NEURL1B: variants seen among roughly 807,000 people sequenced by gnomAD.
The protein encoded by NEURL1B is E3 ubiquitin-protein ligase NEURL1B.
NEURL1B carries 13 observed loss-of-function variants against 37.4 expected under a neutral mutation model. That is an observed-to-expected ratio of 0.35 (90% CI 0.23 to 0.55). The LOEUF is 0.55. Among genes scored for constraint, NEURL1B ranks in the 20% least tolerant of loss-of-function variants. The probability of loss-of-function intolerance (pLI) is 0.89; values close to 1 mark genes in which losing one functional copy is unlikely to be tolerated. For synonymous variants in NEURL1B, 432 were observed against 426.6 expected, an observed-to-expected ratio of 1.01 and a Z score of -0.16; for missense variants, 790 against 879.2, an observed-to-expected ratio of 0.90 and a Z score of 1.28.
rs1757576059 is a variant in NEURL1B, at chr5:172,647,222, T to A, written c.31+5785T>A. ...AAAATAGAAGCCCAGAGGCCAGGTG[T>A]GTGGTTAGAGCTTAGAGCAGAGAGG... On this transcript the variant is annotated intron_variant, in intron 1 of 4. Transcript: ENST00000369800. This position sits in a 1 kb window ranked among gnomAD's most constrained non-coding sequence, Gnocchi z 4.2. 6.6e-6 allele frequency among the ~76,000 whole-genome samples: 1 copy of A among 151,974 alleles called. No homozygotes were observed.
intron 1 of NEURL1B, chr5:172,656,629 A>T: frequency 6.2e-7 from 1 of 1,608,086 alleles, no homozygotes; most frequent in African/African-American, 1.3e-5. Context: ...TTCTGCTTGA[A>T]AGCCTTATCT....
In NEURL1B at chr5:172,683,330, G is replaced by A. The variant is rs917376016; in HGVS notation, c.578-89G>A. The A allele has an allele frequency of 8.0e-7, 1 of 1,247,588 alleles. No homozygotes were observed. Among genetic ancestry groups the A allele is most frequent in the East Asian group, 3.2e-5 (1 of 30,870 alleles). The allele number at this position is 1,247,588 out of a possible 1,614,324, so 77.3% of individuals were successfully genotyped here. A position where few individuals can be genotyped will look rare whatever the true frequency, so the allele number is the denominator to read the frequency against. ...CTCGAGGCCCGGGTCGGTCGTGGAG[G>A]CCTGCAGGAGGCAGCGGGCGAGGAG... is the stretch of plus-strand genomic sequence containing the variant. On this transcript the variant is annotated intron_variant, in intron 2 of 4. Transcript: ENST00000369800. The surrounding 1 kb of genome is among the most constrained non-coding windows in gnomAD (Gnocchi z 5.6).
intron 2 of NEURL1B, among the ~76,000 whole-genome samples, chr5:172,681,912 T>A (rs956589821): frequency 6.6e-6 from 1 of 152,236 alleles, no homozygotes; most frequent in African/African-American, 2.4e-5. Context: ...AACAAAAATG[T>A]TTGTATCACT....
intron 1 of NEURL1B, among the ~76,000 whole-genome samples, chr5:172,659,123 T>G (rs1391339944): frequency 6.8e-6 from 1 of 147,362 alleles, no homozygotes; most frequent in Non-Finnish European, 1.5e-5. Flanking sequence ...TACTTATACG[T>G]AGTCTAGCTT....
chr5:172,658,220 T>A (rs1757830811), intron 1 of NEURL1B, among the ~76,000 whole-genome samples: 1 of 152,190 alleles, frequency 6.6e-6, no homozygotes. Flanking sequence ...TGTGTCTTAT[T>A]TATTACAATC....
At chr5:172,662,135 A>T (rs1757914544) in intron 1 of NEURL1B, 1 of 152,940 alleles carries the variant, frequency 6.5e-6, no homozygotes, top group Admixed American at 6.5e-5. Flanking sequence ...TTTAATGAGC[A>T]CCTACTACAT....
At chr5:172,671,438 C>A (rs928049268) in intron 2 of NEURL1B, among the ~76,000 whole-genome samples, 4 of 152,178 alleles carry the variant, frequency 2.6e-5, no homozygotes, top group African/African-American at 9.7e-5. Flanking sequence ...GTCCGTAACC[C>A]CAGAGGTGAT....
chr5:172,646,892 AC>A (rs1430498445), intron 1 of NEURL1B, among the ~76,000 whole-genome samples: 1 of 139,122 alleles, frequency 7.2e-6, no homozygotes, highest in Non-Finnish European at 1.5e-5. Context: ...AGTTCTGAGG[AC>A]CCCAGTGCAA....
At position 172,669,987 on chromosome 5, in the gene NEURL1B, G is replaced by C. The variant is rs1449221234; in HGVS notation, c.234G>C (p.Leu78=). 1 of 1,472,578 alleles carries C rather than the reference G, an allele frequency of 6.8e-7. No individual in the cohort carries two copies. The highest frequency in any genetic ancestry group is 2.7e-5 in the East Asian group (1 of 36,928). The allele number at this position is 1,472,578 out of a possible 1,614,324, so 91.2% of individuals were successfully genotyped here. A position where few individuals can be genotyped will look rare whatever the true frequency, so the allele number is the denominator to read the frequency against. ...CGTTCACGCAGCGGCCCATCCGGCT[G>C]TACGAGCAGGTGCGGCTGCGCCTGG... ...GVTFTQRPIR[L]YEQVRLRLVA... Residue 78 remains leucine, a synonymous_variant, in exon 2 of 5, where the codon CTG becomes CTC. Coordinates refer to ENST00000369800, the MANE Select transcript of NEURL1B (RefSeq NM_001142651.3).
At chr5:172,677,013 G>A (rs1242293904) in intron 2 of NEURL1B, among the ~76,000 whole-genome samples, 1 of 152,028 alleles carries the variant, frequency 6.6e-6, no homozygotes, top group Admixed American at 6.5e-5. Flanking sequence ...GAGAAAGGCA[G>A]GGACTTGCCC....
chr5:172,657,322 T>TGATTAGAGCCCTG lies in NEURL1B; in HGVS notation c.32-12462_32-12461insATTAGAGCCCTGG, dbSNP rs1243046143. On this transcript the variant is annotated intron_variant, in intron 1 of 4. Coordinates refer to ENST00000369800, the MANE Select transcript of NEURL1B (RefSeq NM_001142651.3). The surrounding 1 kb of genome is among the most constrained non-coding windows in gnomAD (Gnocchi z 4.0). ...GGATGGAGATTCTAATCAGGGCTCC[T>TGATTAGAGCCCTG]GTGGGTGGAGGATTACCCAGGTGCC... Among the ~76,000 whole-genome samples, 1 of 152,172 alleles carries TGATTAGAGCCCTG rather than the reference T, an allele frequency of 6.6e-6. No homozygotes were observed. Among genetic ancestry groups the TGATTAGAGCCCTG allele is most frequent in the Non-Finnish European group, 1.5e-5 (1 of 68,022 alleles).
At chr5:172,642,271 G>A (rs1357525455) in intron 1 of NEURL1B, among the ~76,000 whole-genome samples, 1 of 152,212 alleles carries the variant, frequency 6.6e-6, no homozygotes, top group Non-Finnish European at 1.5e-5. Context: ...AAAAAATTGA[G>A]TGTCAGAAGA....
At chr5:172,648,778 G>A (rs929783802) in intron 1 of NEURL1B, among the ~76,000 whole-genome samples, 3 of 152,144 alleles carry the variant, frequency 2.0e-5, no homozygotes, top group South Asian at 2.1e-4. Flanking sequence ...GTCTCACATC[G>A]CACCTCTAGG....
At chr5:172,681,126 C>A (rs2113326779) in intron 2 of NEURL1B, among the ~76,000 whole-genome samples, 1 of 152,266 alleles carries the variant, frequency 6.6e-6, no homozygotes, top group East Asian at 1.9e-4. Context: ...CTCGTGAGAA[C>A]TCGCTATCAT....
chr5:172,653,018 G>C (rs1480724194), intron 1 of NEURL1B, among the ~76,000 whole-genome samples: 1 of 152,074 alleles, frequency 6.6e-6, no homozygotes, highest in Non-Finnish European at 1.5e-5. Flanking sequence ...CACAAGGTAG[G>C]GTCCTTCCCA....
rs146420821 is a variant in NEURL1B, at chr5:172,657,966, G to A, written c.32-11819G>A. Among the ~76,000 whole-genome samples, 237 of 152,298 alleles carry A rather than the reference G, an allele frequency of 1.6e-3. 3 individuals carry two copies. In the East Asian group the frequency reaches 0.031, roughly 20 times the overall value. ...TTCTTATAAGTGCATAGAAGAAAACGCTGACATATGCTGCCTTCTCTGTCT... is the reference window on the plus strand; with the variant it reads ...TTCTTATAAGTGCATAGAAGAAAACACTGACATATGCTGCCTTCTCTGTCT... On this transcript the variant is annotated intron_variant, in intron 1 of 4. Coordinates refer to ENST00000369800, the MANE Select transcript of NEURL1B (RefSeq NM_001142651.3). The surrounding 1 kb of genome is among the most constrained non-coding windows in gnomAD (Gnocchi z 4.0).
rs1204859866 is a variant in NEURL1B, at chr5:172,676,956, G to T, written c.578-6463G>T. On this transcript the variant is annotated intron_variant, in intron 2 of 4. Transcript: ENST00000369800. The surrounding 1 kb of genome is among the most constrained non-coding windows in gnomAD (Gnocchi z 4.5). ...TATGGAGTTAAATGCAGGGTTCGGA[G>T]GTCTGAGCGCACCATTCCAGGCTGC... is the stretch of plus-strand genomic sequence containing the variant. Among the ~76,000 whole-genome samples, 1 of 152,178 alleles carries T rather than the reference G, an allele frequency of 6.6e-6. No homozygotes were observed. Among genetic ancestry groups the T allele is most frequent in the African/African-American group, 2.4e-5 (1 of 41,432 alleles).
In NEURL1B at chr5:172,676,744, C is replaced by A. The variant is rs904511433; in HGVS notation, c.577+6414C>A. Among the ~76,000 whole-genome samples the A allele has an allele frequency of 6.6e-6, 1 of 152,222 alleles. No individual in the cohort carries two copies. The highest frequency in any genetic ancestry group is 1.5e-5 in the Non-Finnish European group (1 of 68,046). ...TACTAGGCACTTACTCTGTGCCAGG[C>A]ACAATGCTGAGAGCTTGATGTGGGT... On this transcript the variant is annotated intron_variant, in intron 2 of 4. Coordinates refer to ENST00000369800, the MANE Select transcript of NEURL1B (RefSeq NM_001142651.3). This position sits in a 1 kb window ranked among gnomAD's most constrained non-coding sequence, Gnocchi z 4.5.
At chr5:172,660,934 TTA>T (rs1480655942) in intron 1 of NEURL1B, among the ~76,000 whole-genome samples, 3 of 152,164 alleles carry the variant, frequency 2.0e-5, no homozygotes, top group African/African-American at 7.2e-5. Context: ...CCCAGCCTGG[TTA>T]TGTTTTTTTC....
Sources: gnomAD v4.1 joint callset for allele counts (sites outside exome capture counted in the v4.1 genomes callset) on GRCh38, gnomAD v4.1.1 for gene constraint, Gnocchi (gnomAD v3.1) non-coding constraint, MANE v1.5 for transcripts, NCBI Gene and HGNC (gene_info 2026-07-23, HGNC 2026-07-21) for gene names.